The following EPHB3 variants were observed in gnomAD, a reference collection of about 807,000 sequenced individuals.
The protein encoded by EPHB3 is EPH receptor B3, also known as ephrin type-B receptor 3.
In EPHB3, 33 loss-of-function variants were observed where a neutral mutation model predicts 100.2. That is an observed-to-expected ratio of 0.33 (90% CI 0.25 to 0.44). The LOEUF is 0.44. EPHB3 is among the 20% of genes least tolerant of loss of function. The probability of loss-of-function intolerance (pLI) is 1.00; values close to 1 mark genes in which losing one functional copy is unlikely to be tolerated. For missense variants in EPHB3, 1,045 were observed against 1,378.3 expected (o/e 0.76, Z 3.83); for synonymous variants, 526 against 554.7 (o/e 0.95, Z 0.73).
intron 3 of EPHB3, chr3:184,575,286 C>T (rs535195767): frequency 3.0e-4 from 292 of 961,532 alleles, no homozygotes; most frequent in Non-Finnish European, 3.4e-4. Context: ...TCCTCTCACC[C>T]GTCCTCAGCC....
chr3:184,573,314 G>A lies in EPHB3; in HGVS notation c.856+138G>A. The A allele has an allele frequency of 1.9e-6, 2 of 1,065,854 alleles. No individual in the cohort carries two copies. The highest frequency in any genetic ancestry group is 2.7e-6 in the Non-Finnish European group (2 of 741,988). The allele number at this position is 1,065,854 out of a possible 1,614,324, so 66.0% of individuals were successfully genotyped here. ...TCCACAGTGGAGGCAGGAGAGGGAA[G>A]AGTGGGGATCAGATGCAGAGAATGT... On this transcript the variant is annotated intron_variant, in intron 3 of 15. Transcript: ENST00000330394. This position sits in a 1 kb window ranked among gnomAD's most constrained non-coding sequence, Gnocchi z 4.5.
Position 184,573,459 on chromosome 3 carries a change from G to T in EPHB3, c.856+283G>T, listed in dbSNP as rs1394980703. Among the ~76,000 whole-genome samples the T allele has an allele frequency of 6.6e-6, 1 of 152,232 alleles. No homozygotes were observed. The highest frequency in any genetic ancestry group is 1.5e-5 in the Non-Finnish European group (1 of 68,042). On this transcript the variant is annotated intron_variant, in intron 3 of 15. Transcript: ENST00000330394. The surrounding 1 kb of genome is among the most constrained non-coding windows in gnomAD (Gnocchi z 4.5). The stretch of plus-strand genomic sequence containing the variant: ...AATCCTTGGCAAGCAGGCACCTGGA[G>T]AACGCAGTCAGAAGCTTAGGAGGCT...
intron 1 of EPHB3, among the ~76,000 whole-genome samples, chr3:184,568,478 G>A (rs1190631225): frequency 6.6e-6 from 1 of 152,132 alleles, no homozygotes; most frequent in Non-Finnish European, 1.5e-5. Context: ...CCCAACGTGT[G>A]TATGTACAAC....
At position 184,579,589 on chromosome 3, in the gene EPHB3, G is replaced by T. The variant is rs756204374; in HGVS notation, c.1914G>T (p.Val638=). ...TGTCCTGCGTCAAGATCGAGGAGGT[G>T]ATCGGAGCTGGTGAGTCTCCCGGGG... ...IDVSCVKIEE[V]IGAGEFGEVC... is the part of the protein sequence containing the mutation. Residue 638 remains valine, a synonymous_variant, in exon 10 of 16, where the codon GTG becomes GTT. Transcript: ENST00000330394. The surrounding 1 kb of genome is among the most constrained non-coding windows in gnomAD (Gnocchi z 5.2). 11 of 1,613,964 alleles carry T rather than the reference G, an allele frequency of 6.8e-6. No individual in the cohort carries two copies. The highest frequency in any genetic ancestry group is 6.7e-5 in the East Asian group (3 of 44,872).
rs923951395 is a variant in EPHB3, at chr3:184,577,587, C to T, written c.1480-71C>T. On this transcript the variant is annotated intron_variant, in intron 6 of 15. Transcript: ENST00000330394. This position sits in a 1 kb window ranked among gnomAD's most constrained non-coding sequence, Gnocchi z 4.9. ...GGGTATGGAGGGGGCATGTGGCAGG[C>T]CTGGGTGTGAATAGGGGCTGGTTGG... The T allele has an allele frequency of 1.8e-5, 28 of 1,572,064 alleles. No homozygotes were observed. The Admixed American group carries it at 4.9e-4, about 27-fold the overall frequency.
chr3:184,580,846 G>A lies in EPHB3; in HGVS notation c.2506G>A (p.Glu836Lys), dbSNP rs1300428807. 1 of 1,614,218 alleles carries A rather than the reference G, an allele frequency of 6.2e-7. No individual in the cohort carries two copies. The highest frequency in any genetic ancestry group is 8.5e-7 in the Non-Finnish European group (1 of 1,180,022). The change falls in exon 13 of 16, where the codon GAG (glutamate) becomes AAG (lysine). Residue 836 changes from glutamate to lysine, a missense_variant. By Grantham distance (56) the Glu-to-Lys change is moderately conservative. Coordinates refer to ENST00000330394, the MANE Select transcript of EPHB3 (RefSeq NM_004443.4). ...IVMWEVMSYG[E>K]RPYWDMSNQD... Reference sequence around the variant, plus strand: ...CATGTGGGAGGTCATGAGCTATGGAGAGCGACCCTACTGGGACATGAGCAA... The same window carrying A: ...CATGTGGGAGGTCATGAGCTATGGAAAGCGACCCTACTGGGACATGAGCAA...
Position 184,580,452 on chromosome 3 carries a change from C to A in EPHB3, c.2223C>A (p.Gly741=). 1 of 1,614,226 alleles carries A rather than the reference C, an allele frequency of 6.2e-7. No individual in the cohort carries two copies. Among genetic ancestry groups the A allele is most frequent in the Non-Finnish European group, 8.5e-7 (1 of 1,180,034 alleles). The change falls in exon 12 of 16, where the codon GGC becomes GGA. Residue 741 remains glycine, a synonymous_variant. Coordinates refer to ENST00000330394, the MANE Select transcript of EPHB3 (RefSeq NM_004443.4). The stretch of plus-strand genomic sequence containing the variant: ...TCCAGCTGGTGGGCATGTTGCGGGG[C>A]ATTGCTGCCGGCATGAAGTACCTGT... ...TVIQLVGMLR[G]IAAGMKYLSE... is the part of the protein sequence containing the mutation.
rs1470352404 is a variant in EPHB3, at chr3:184,569,202, C to CGGACCGGCGGGA, written c.119-2111_119-2100dup. On this transcript the variant is annotated intron_variant, in intron 1 of 15. Transcript: ENST00000330394. The surrounding 1 kb of genome is among the most constrained non-coding windows in gnomAD (Gnocchi z 5.4). ...CTGCTCCGGCGGGCGGACCGGCGGG[C>CGGACCGGCGGGA]GGACCGGCGGGAGGACTGGCTGCGG... Among the ~76,000 whole-genome samples, 395 of 151,186 alleles carry CGGACCGGCGGGA rather than the reference C, an allele frequency of 2.6e-3. No individual in the cohort carries two copies. The highest frequency in any genetic ancestry group is 9.2e-3 in the African/African-American group (376 of 40,792).
rs1366743521 is a variant in EPHB3, at chr3:184,581,663, C to T, written c.*41C>T. ...GGACCCTGAGGACCGTGCAGGGATG[C>T]CAAGCAGCCGGCTGGACTTTCGGAC... On this transcript the variant is annotated 3_prime_UTR_variant, in exon 16 of 16. Transcript: ENST00000330394. The T allele has an allele frequency of 2.0e-6, 3 of 1,514,184 alleles. No individual in the cohort carries two copies. The highest frequency in any genetic ancestry group is 2.7e-6 in the Non-Finnish European group (3 of 1,129,238). 93.8% of individuals were successfully genotyped at this position (1,514,184 alleles called of 1,614,324 possible). A position where few individuals can be genotyped will look rare whatever the true frequency, so the allele number is the denominator to read the frequency against.
chr3:184,570,601 C>T (rs1714513809), intron 1 of EPHB3, among the ~76,000 whole-genome samples: 1 of 152,236 alleles, frequency 6.6e-6, no homozygotes, highest in Non-Finnish European at 1.5e-5. Context: ...CCCTCCCCTT[C>T]CCCTGGGCCT....
In EPHB3 at chr3:184,581,340, G is replaced by A. The variant is rs748866100; in HGVS notation, c.2820G>A (p.Gly940=). Residue 940 remains glycine, a synonymous_variant, in exon 15 of 16, where the codon GGG becomes GGA. Coordinates refer to ENST00000330394, the MANE Select transcript of EPHB3 (RefSeq NM_004443.4). The part of the protein sequence containing the change: ...VGDWLDAIKM[G]RYKESFVSAG... Reference sequence around the variant, plus strand: ...ATTGGCTGGATGCCATCAAGATGGGGCGGTACAAGGAGAGCTTCGTCAGTG... The same window carrying A: ...ATTGGCTGGATGCCATCAAGATGGGACGGTACAAGGAGAGCTTCGTCAGTG... 1.9e-6 allele frequency: 3 copies of A among 1,610,410 alleles called. No individual in the cohort carries two copies. Among genetic ancestry groups the A allele is most frequent in the African/African-American group, 2.7e-5 (2 of 74,900 alleles).
At position 184,575,995 on chromosome 3, in the gene EPHB3, C is replaced by A; in HGVS notation, c.1012+10C>A. 1 of 1,600,622 alleles carries A rather than the reference C, an allele frequency of 6.2e-7. No individual in the cohort carries two copies. Among genetic ancestry groups the A allele is most frequent in the South Asian group, 1.1e-5 (1 of 89,602 alleles). On this transcript the variant is annotated intron_variant, in intron 4 of 15. Coordinates refer to ENST00000330394, the MANE Select transcript of EPHB3 (RefSeq NM_004443.4). ...GACAGTGCCTGTACCAGTGAGTGAA[C>A]GCGTGACCTCTCTTTCCCTCTGCAG...
chr3:184,567,958 G>A (rs1006891503), intron 1 of EPHB3, among the ~76,000 whole-genome samples: 1 of 152,176 alleles, frequency 6.6e-6, no homozygotes, highest in African/African-American at 2.4e-5. Flanking sequence ...ATGCATCCGT[G>A]TGTCTGAGAA....
rs1341222676 is a variant in EPHB3 at position 184,579,242 on chromosome 3, C to T, written c.1802-235C>T. 1.3e-5 allele frequency among the ~76,000 whole-genome samples: 2 copies of T among 151,942 alleles called. No homozygotes were observed. The highest frequency in any genetic ancestry group is 2.9e-5 in the Non-Finnish European group (2 of 67,982). On this transcript the variant is annotated intron_variant, in intron 9 of 15. Transcript: ENST00000330394. This position sits in a 1 kb window ranked among gnomAD's most constrained non-coding sequence, Gnocchi z 5.2. ...TCGGGGCAGTGGGAACCAGGGGAGGCATGAATCTGAGAGAGGTCTGGATGT... is the reference window on the plus strand; with the variant it reads ...TCGGGGCAGTGGGAACCAGGGGAGGTATGAATCTGAGAGAGGTCTGGATGT...
chr3:184,572,575 G>A lies in EPHB3; in HGVS notation c.255G>A (p.Glu85=). The A allele has an allele frequency of 6.5e-7, 1 of 1,548,308 alleles. No homozygotes were observed. The highest frequency in any genetic ancestry group is 8.7e-7 in the Non-Finnish European group (1 of 1,150,876). ...CATACCAGGTGTGTAATGTGCGCGA[G>A]TCAAGCCAGAACAACTGGCTTCGCA... ...IRTYQVCNVR[E]SSQNNWLRTG... The change falls in exon 3 of 16, where the codon GAG becomes GAA. Residue 85 remains glutamate, a synonymous_variant. Coordinates refer to ENST00000330394, the MANE Select transcript of EPHB3 (RefSeq NM_004443.4). This position sits in a 1 kb window ranked among gnomAD's most constrained non-coding sequence, Gnocchi z 6.6.
In EPHB3 at chr3:184,573,325, A is replaced by C; in HGVS notation, c.856+149A>C. The C allele has an allele frequency of 1.1e-6, 1 of 943,408 alleles. No individual in the cohort carries two copies. The highest frequency in any genetic ancestry group is 1.6e-5 in the South Asian group (1 of 60,782). 58.4% of individuals were successfully genotyped at this position (943,408 alleles called of 1,614,324 possible). ...GGCAGGAGAGGGAAGAGTGGGGATC[A>C]GATGCAGAGAATGTTGTGTAAGGAG... On this transcript the variant is annotated intron_variant, in intron 3 of 15. Coordinates refer to ENST00000330394, the MANE Select transcript of EPHB3 (RefSeq NM_004443.4). The surrounding 1 kb of genome is among the most constrained non-coding windows in gnomAD (Gnocchi z 4.5).
rs562889440 is a variant in EPHB3 at position 184,569,181 on chromosome 3, TCCGGCGGGCGGA to T, written c.119-2116_119-2105del. ...GGGAGCGGCTGGAGCCCCGGCCTGCTCCGGCGGGCGGACCGGCGGGCGGACCGGCGGGAGGAC... is the reference window on the plus strand; with the variant it reads ...GGGAGCGGCTGGAGCCCCGGCCTGCTCCGGCGGGCGGACCGGCGGGAGGAC... On this transcript the variant is annotated intron_variant, in intron 1 of 15. Coordinates refer to ENST00000330394, the MANE Select transcript of EPHB3 (RefSeq NM_004443.4). This position sits in a 1 kb window ranked among gnomAD's most constrained non-coding sequence, Gnocchi z 5.4. Among the ~76,000 whole-genome samples the T allele has an allele frequency of 5.2e-4, 70 of 133,364 alleles. No homozygotes were observed. The highest frequency in any genetic ancestry group is 3.8e-3 in the Middle Eastern group (1 of 262). 87.5% of individuals were successfully genotyped at this position (133,364 alleles called of 152,430 possible). A position where few individuals can be genotyped will look rare whatever the true frequency, so the allele number is the denominator to read the frequency against.
rs1375009510 is a variant in EPHB3, at chr3:184,577,952, C to T, written c.1694C>T (p.Thr565Ile). 3.7e-6 allele frequency: 6 copies of T among 1,613,946 alleles called. No individual in the cohort carries two copies. The highest frequency in any genetic ancestry group is 1.1e-5 in the South Asian group (1 of 91,088). ...CTTCCCCTCATCGTGGGCTCCGCTACAGCTGGGCTTGTCTTCGTGGTGGCT... is the reference window on the plus strand; with the variant it reads ...CTTCCCCTCATCGTGGGCTCCGCTATAGCTGGGCTTGTCTTCGTGGTGGCT... ...EQLPLIVGSA[T>I]AGLVFVVAVV... The change falls in exon 8 of 16, where the codon ACA (threonine) becomes ATA (isoleucine). Residue 565 changes from threonine to isoleucine, a missense_variant. Thr to Ile is a moderately conservative substitution (Grantham distance 89). Coordinates refer to ENST00000330394, the MANE Select transcript of EPHB3 (RefSeq NM_004443.4). This position sits in a 1 kb window ranked among gnomAD's most constrained non-coding sequence, Gnocchi z 4.9.
chr3:184,575,518 TTC>T (rs1297392226), intron 3 of EPHB3, among the ~76,000 whole-genome samples: 1 of 152,030 alleles, frequency 6.6e-6, no homozygotes, highest in African/African-American at 2.4e-5. Context: ...TCCTCTGTCT[TTC>T]TCTGTCTTCC....
Sources: gnomAD v4.1 joint callset for allele counts (sites outside exome capture counted in the v4.1 genomes callset) on GRCh38, gnomAD v4.1.1 for gene constraint, Gnocchi (gnomAD v3.1) non-coding constraint, MANE v1.5 for transcripts, NCBI Gene and HGNC (gene_info 2026-07-23, HGNC 2026-07-21) for gene names.